The following PGAM2 variants were observed in gnomAD, a reference collection of about 807,000 sequenced individuals.
PGAM2 encodes phosphoglycerate mutase 2.
Under a neutral mutation model 22.5 loss-of-function variants are expected in PGAM2, and 23 were observed. The ratio of observed to expected loss-of-function variants is 1.02; its 90% CI spans 0.74 to 1.45. The LOEUF (loss-of-function observed/expected upper bound fraction) is 1.45. Among genes scored for constraint, PGAM2 ranks in the 40% most tolerant of loss-of-function variants. PGAM2 has a pLI of 0.00. For missense variants in PGAM2, 349 were observed against 356.2 expected (o/e 0.98, Z 0.16); for synonymous variants, 133 against 138.6 (o/e 0.96, Z 0.29).
chr7:44,064,793 G>GGCCCCCCCCCCCCCCCCCCCCCCAC, intron 2 of PGAM2, 39 bp downstream of exon 2: 1 of 1,136,982 alleles, frequency 8.8e-7, no homozygotes, highest in Non-Finnish European at 1.3e-6. Context: ...TGGGGCTGCT[G>GGCCCCCCCCCCCCCCCCCCCCCCAC]CCCACCCACC....
chr7:44,064,812 G>C lies in PGAM2; in HGVS notation c.595+20C>G. On this transcript the variant is annotated intron_variant, in intron 2 of 2. Transcript: ENST00000297283. ...GCTGCTGCCCACCCACCCTGCCCAGGCTCCTGAAGGTGGCCTCACCTTCCA... is the reference window on the plus strand; with the variant it reads ...GCTGCTGCCCACCCACCCTGCCCAGCCTCCTGAAGGTGGCCTCACCTTCCA... The C allele has an allele frequency of 7.9e-7, 1 of 1,272,682 alleles. No homozygotes were observed. The allele number at this position is 1,272,682 out of a possible 1,614,324, so 78.8% of individuals were successfully genotyped here.
intron 2 of PGAM2, 39 bp downstream of exon 2, chr7:44,064,793 G>GCCC: frequency 8.8e-7 from 1 of 1,136,980 alleles, no homozygotes; most frequent in Non-Finnish European, 1.3e-6. Context: ...TGGGGCTGCT[G>GCCC]CCCACCCACC....
rs111656877 is a variant in PGAM2 at position 44,065,314 on chromosome 7, G to A, written c.216C>T (p.Asp72=). The change falls in exon 1 of 3, where the codon GAC becomes GAT. Residue 72 remains aspartate (D), a synonymous_variant. Coordinates refer to ENST00000297283, the MANE Select transcript of PGAM2 (RefSeq NM_000290.4). ...CAGGCAGCCACATCTGGTCCGTGCCGTCCAGGATGGCCCAGAGGGTGCGGA... is the reference window on the plus strand; with the variant it reads ...CAGGCAGCCACATCTGGTCCGTGCCATCCAGGATGGCCCAGAGGGTGCGGA... ...RAIRTLWAIL[D]GTDQMWLPVV... 2.5e-3 allele frequency: 4,040 copies of A among 1,613,580 alleles called. 89 individuals are homozygous for A. In the African/African-American group the frequency reaches 0.046, roughly 18 times the overall value.
At position 44,064,892 on chromosome 7, in the gene PGAM2, T is replaced by A; in HGVS notation, c.535A>T (p.Lys179Ter). Residue 179 changes from lysine to a stop codon, truncating the protein, a stop_gained, in exon 2 of 3, where the codon AAG (lysine) becomes TAG (stop). Coordinates refer to ENST00000297283, the MANE Select transcript of PGAM2 (RefSeq NM_000290.4). LOFTEE classifies it high-confidence loss of function. Reference sequence around the variant, plus strand: ...CCGTGGGCTGCAATGAGCACTCGCTTGCCGGCCTTGATCTGGGGAACAATC... The same window carrying A: ...CCGTGGGCTGCAATGAGCACTCGCTAGCCGGCCTTGATCTGGGGAACAATC... ...EEIVPQIKAG[K>*]RVLIAAHGNS... 6.2e-7 allele frequency: 1 copy of A among 1,611,600 alleles called. No individual in the cohort carries two copies. Among genetic ancestry groups the A allele is most frequent in the Non-Finnish European group, 8.5e-7 (1 of 1,179,648 alleles).
At position 44,065,172 on chromosome 7, in the gene PGAM2, C is replaced by T. The variant is rs774216406; in HGVS notation, c.358G>A (p.Asp120Asn). 6.8e-6 allele frequency: 11 copies of T among 1,613,872 alleles called. No individual in the cohort carries two copies. Among genetic ancestry groups the T allele is most frequent in the South Asian group, 1.1e-5 (1 of 91,078 alleles). The change falls in exon 1 of 3, where the codon GAC becomes AAC. Residue 120 changes from aspartate (D) to asparagine (N), a missense_variant. Physicochemically the swap from Asp to Asn is conservative, Grantham distance 23. Coordinates refer to ENST00000297283, the MANE Select transcript of PGAM2 (RefSeq NM_000290.4). ...EQVKIWRRSF[D>N]IPPPPMDEKH... ...TCGTCCATCGGGGGCGGCGGGATGTCGAAGGAGCGCCTCCAGATCTTCACC... is the reference window on the plus strand; with the variant it reads ...TCGTCCATCGGGGGCGGCGGGATGTTGAAGGAGCGCCTCCAGATCTTCACC...
chr7:44,064,990 T>C lies in PGAM2; in HGVS notation c.437A>G (p.Lys146Arg). ...CTCGCAGGTGGGGAGTTCCCCGGGCTTCAGGCCTGCGTACCGACGCTCCTG... is the reference window on the plus strand; with the variant it reads ...CTCGCAGGTGGGGAGTTCCCCGGGCCTCAGGCCTGCGTACCGACGCTCCTG... ...ISKERRYAGL[K>R]PGELPTCESL... Residue 146 changes from lysine to arginine, a missense_variant, in exon 2 of 3, where the codon AAG becomes AGG. Physicochemically the swap from Lys to Arg is conservative, Grantham distance 26 (BLOSUM62 2). Transcript: ENST00000297283. 1 of 1,606,822 alleles carries C rather than the reference T, an allele frequency of 6.2e-7. No individual in the cohort carries two copies. Among genetic ancestry groups the C allele is most frequent in the Non-Finnish European group, 8.5e-7 (1 of 1,179,650 alleles).
intron 2 of PGAM2, chr7:44,063,216 C>T: frequency 6.2e-6 from 3 of 484,266 alleles, no homozygotes; most frequent in Non-Finnish European, 1.1e-5. Flanking sequence ...CCCAGTGTGA[C>T]TCCAGCCAGA....
At chr7:44,063,442 C>T (rs752185189) in intron 2 of PGAM2, 16 of 184,580 alleles carry the variant, frequency 8.7e-5, no homozygotes, top group Admixed American at 2.1e-4. Context: ...CCACCACACC[C>T]GGCTAATTTT....
rs1443019260 is a variant in PGAM2 at position 44,065,222 on chromosome 7, G to A, written c.308C>T (p.Thr103Met). 84 of 1,613,892 alleles carry A rather than the reference G, an allele frequency of 5.2e-5. No homozygotes were observed. Among genetic ancestry groups the A allele is most frequent in the Non-Finnish European group, 6.3e-5 (74 of 1,180,052 alleles). ...GGLTGLNKAE[T>M]AAKHGEEQVK... ...CTGCTCCTCCCCGTGCTTGGCGGCCGTTTCTGCCTTGTTGAGGCCTGTGAG... is the reference window on the plus strand; with the variant it reads ...CTGCTCCTCCCCGTGCTTGGCGGCCATTTCTGCCTTGTTGAGGCCTGTGAG... Residue 103 changes from threonine to methionine, a missense_variant, in exon 1 of 3, where the codon ACG becomes ATG. Transcript: ENST00000297283.
Position 44,062,895 on chromosome 7 carries a change from G to T in PGAM2, c.631C>A (p.Pro211Thr). 2 of 1,614,204 alleles carry T rather than the reference G, an allele frequency of 1.2e-6. No homozygotes were observed. The highest frequency in any genetic ancestry group is 1.7e-6 in the Non-Finnish European group (2 of 1,180,024). ...TCATACACAATGGGGATCCCCGTGG[G>T]CAGGTTCAGCTCCATGATCGCCTGG... ...SDQAIMELNL[P>T]TGIPIVYELN... is the part of the protein sequence containing the mutation. Residue 211 changes from proline to threonine, a missense_variant, in exon 3 of 3, where the codon CCC becomes ACC. Transcript: ENST00000297283.
At chr7:44,064,025 C>G (rs1180774806) in intron 2 of PGAM2, 4 of 152,652 alleles carry the variant, frequency 2.6e-5, no homozygotes, top group African/African-American at 9.6e-5. Context: ...CTCTGGCCAA[C>G]TGCCCAACGG....
chr7:44,064,797 A>AGCCCCCGGGACGGAATGTTGG, intron 2 of PGAM2, 35 bp downstream of exon 2: 1 of 633,308 alleles, frequency 1.6e-6, no homozygotes, highest in Non-Finnish European at 2.8e-6. Flanking sequence ...GCTGCTGCCC[A>AGCCCCCGGGACGGAATGTTGG]CCCACCCTGC....
chr7:44,064,725 C>T (rs928989292), intron 2 of PGAM2, 107 bp downstream of exon 2: 9 of 976,754 alleles, frequency 9.2e-6, no homozygotes, highest in African/African-American at 3.2e-5. Context: ...GATGTGGAGC[C>T]CCACGCCTAG....
chr7:44,064,903 A>G lies in PGAM2; in HGVS notation c.524T>C (p.Ile175Thr). Residue 175 changes from isoleucine (I) to threonine (T), a missense_variant, in exon 2 of 3, where the codon ATC (isoleucine) becomes ACC (threonine). Ile to Thr is a moderately conservative substitution (Grantham distance 89). Transcript: ENST00000297283. ...PFWNEEIVPQ[I>T]KAGKRVLIAA... ...AATGAGCACTCGCTTGCCGGCCTTG[A>G]TCTGGGGAACAATCTCCTCGTTCCA... 1 of 1,609,668 alleles carries G rather than the reference A, an allele frequency of 6.2e-7. No individual in the cohort carries two copies. Among genetic ancestry groups the G allele is most frequent in the Non-Finnish European group, 8.5e-7 (1 of 1,178,728 alleles).
In PGAM2 at chr7:44,065,420, T is replaced by G; in HGVS notation, c.110A>C (p.Glu37Ala). 6.2e-7 allele frequency: 1 copy of G among 1,614,156 alleles called. No homozygotes were observed. The highest frequency in any genetic ancestry group is 8.5e-7 in the Non-Finnish European group (1 of 1,180,028). ...DAELSEKGTE[E>A]AKRGAKAIKD... ...GATGGCCTTGGCTCCCCGCTTGGCC[T>G]CCTCGGTCCCCTTTTCACTCAGCTC... Residue 37 changes from glutamate (E) to alanine (A), a missense_variant, in exon 1 of 3, where the codon GAG (glutamate) becomes GCG (alanine). By Grantham distance (107) the Glu-to-Ala change is moderately radical. Coordinates refer to ENST00000297283, the MANE Select transcript of PGAM2 (RefSeq NM_000290.4).
At chr7:44,064,797 A>AGCCCCCGCTCCAGCAGGTGGC in intron 2 of PGAM2, 35 bp downstream of exon 2, 1 of 633,308 alleles carries the variant, frequency 1.6e-6, no homozygotes, top group East Asian at 4.3e-5. Flanking sequence ...GCTGCTGCCC[A>AGCCCCCGCTCCAGCAGGTGGC]CCCACCCTGC....
At position 44,065,259 on chromosome 7, in the gene PGAM2, G is replaced by A. The variant is rs149756727; in HGVS notation, c.271C>T (p.His91Tyr). The A allele has an allele frequency of 9.3e-6, 15 of 1,613,806 alleles. No homozygotes were observed. Among genetic ancestry groups the A allele is most frequent in the Non-Finnish European group, 1.0e-5 (12 of 1,180,046 alleles). Residue 91 changes from histidine to tyrosine, a missense_variant, in exon 1 of 3, where the codon CAT (histidine) becomes TAT (tyrosine). Coordinates refer to ENST00000297283, the MANE Select transcript of PGAM2 (RefSeq NM_000290.4). Reference sequence around the variant, plus strand: ...TTGAGGCCTGTGAGGCCCCCGTAATGCCGCTCATTGAGGCGCCAAGTGCGC... The same window carrying A: ...TTGAGGCCTGTGAGGCCCCCGTAATACCGCTCATTGAGGCGCCAAGTGCGC... ...VVRTWRLNER[H>Y]YGGLTGLNKA... is the part of the protein sequence containing the mutation.
chr7:44,065,059 C>T (rs1586001708), intron 1 of PGAM2, 47 bp from the exon 2 acceptor site: 1 of 1,610,302 alleles, frequency 6.2e-7, no homozygotes, highest in South Asian at 1.1e-5. Flanking sequence ...CAGTGGGCCC[C>T]CACCCGACTC....
At chr7:44,064,797 A>AAGGGGG in intron 2 of PGAM2, 35 bp downstream of exon 2, 1 of 633,308 alleles carries the variant, frequency 1.6e-6, no homozygotes, top group Non-Finnish European at 2.8e-6. Context: ...GCTGCTGCCC[A>AAGGGGG]CCCACCCTGC....
Sources: gnomAD v4.1 joint callset for allele counts on GRCh38, gnomAD v4.1.1 for gene constraint, MANE v1.5 for transcripts, NCBI Gene and HGNC (gene_info 2026-07-23, HGNC 2026-07-21) for gene names.